SLC25A13: variants seen among roughly 807,000 people sequenced by gnomAD.
SLC25A13 encodes the protein solute carrier family 25 member 13, also known as electrogenic aspartate/glutamate antiporter SLC25A13, mitochondrial.
SLC25A13 carries 70 observed loss-of-function variants against 85.5 expected under a neutral mutation model. The ratio of observed to expected loss-of-function variants is 0.82; its 90% CI spans 0.68 to 1.00. The LOEUF is 1.00. SLC25A13 is among the 50% of genes least tolerant of loss of function. The pLI, the probability that SLC25A13 is intolerant of heterozygous loss-of-function variation, is 0.00. For missense variants in SLC25A13, 765 were observed against 819.8 expected (o/e 0.93, Z 0.82); for synonymous variants, 259 against 288.7 (o/e 0.90, Z 1.04).
chr7:96,183,409 C>T (rs1794495697), intron 11 of SLC25A13, among the ~76,000 whole-genome samples: 1 of 152,124 alleles, frequency 6.6e-6, no homozygotes, highest in South Asian at 2.1e-4. Flanking sequence ...CAGCAGAGTA[C>T]TAAATACTGT....
intron 3 of SLC25A13, among the ~76,000 whole-genome samples, chr7:96,264,714 CTT>C (rs568713486): frequency 2.7e-5 from 4 of 145,562 alleles, no homozygotes; most frequent in African/African-American, 5.0e-5. Context: ...AGAACTATAC[CTT>C]TTTTTTTTTA....
chr7:96,191,265 CAAG>C lies in SLC25A13; in HGVS notation c.616-21_616-19del, dbSNP rs1794837596. On this transcript the variant is annotated intron_variant, in intron 6 of 17. Coordinates refer to ENST00000265631, the MANE Select transcript of SLC25A13 (RefSeq NM_014251.3). ...CCAGCAGCCTCAAATAAATTGAAAA[CAAG>C]AGAGAAGAAAAATATACAAAAGATT... 4 of 1,612,842 alleles carry C rather than the reference CAAG, an allele frequency of 2.5e-6. No homozygotes were observed. The East Asian group carries it at 8.9e-5, about 36-fold the overall frequency.
chr7:96,177,824 C>T (rs954693429), intron 11 of SLC25A13, among the ~76,000 whole-genome samples: 1 of 152,180 alleles, frequency 6.6e-6, no homozygotes, highest in Admixed American at 6.5e-5. Context: ...TAGTAGCACT[C>T]AAAGTTGAAT....
Position 96,208,892 on chromosome 7 carries a change from A to C in SLC25A13, c.414T>G (p.Phe138Leu). The change falls in exon 5 of 18, where the codon TTT (phenylalanine) becomes TTG (leucine). Residue 138 changes from phenylalanine (F) to leucine (L), a missense_variant. Physicochemically the swap from Phe to Leu is conservative, Grantham distance 22. Transcript: ENST00000265631. The stretch of plus-strand genomic sequence containing the variant: ...TCAGGTGTCTTTTTCTTTCTTTTCC[A>C]AAATGTAGTTGCACAAATTCTGAAT... ...NWDSEFVQLH[F>L]GKERKRHLTY... The C allele has an allele frequency of 6.2e-7, 1 of 1,614,098 alleles. No homozygotes were observed. Among genetic ancestry groups the C allele is most frequent in the Non-Finnish European group, 8.5e-7 (1 of 1,180,010 alleles).
intron 3 of SLC25A13, among the ~76,000 whole-genome samples, chr7:96,241,794 G>A (rs922765367): frequency 1.3e-5 from 2 of 152,262 alleles, no homozygotes; most frequent in South Asian, 4.1e-4. Context: ...GACTATATAA[G>A]AGATTTGGGG....
At chr7:96,294,512 G>C (rs1017805504) in intron 2 of SLC25A13, among the ~76,000 whole-genome samples, 2 of 151,858 alleles carry the variant, frequency 1.3e-5, no homozygotes, top group Admixed American at 1.3e-4. Flanking sequence ...GGGAGGCTGA[G>C]GCATGAGAAT....
intron 2 of SLC25A13, among the ~76,000 whole-genome samples, chr7:96,284,648 C>T (rs1343895113): frequency 3.3e-5 from 5 of 152,160 alleles, no homozygotes; most frequent in Admixed American, 1.3e-4. Context: ...GTGTCCAGGG[C>T]GGGGCCAGGT....
intron 5 of SLC25A13, among the ~76,000 whole-genome samples, chr7:96,194,319 G>C (rs956078605): frequency 6.7e-6 from 1 of 150,266 alleles, no homozygotes; most frequent in African/African-American, 2.4e-5. Flanking sequence ...GTGCATGCCT[G>C]TAGTCCCAGC....
chr7:96,141,076 G>C (rs1356422726), intron 14 of SLC25A13, among the ~76,000 whole-genome samples: 2 of 144,456 alleles, frequency 1.4e-5, no homozygotes, highest in Non-Finnish European at 3.0e-5. Flanking sequence ...GCTAGAGTGT[G>C]GTGGTGCAAT....
chr7:96,250,487 T>C (rs1305198408), intron 3 of SLC25A13, among the ~76,000 whole-genome samples: 2 of 152,230 alleles, frequency 1.3e-5, no homozygotes, highest in Admixed American at 1.3e-4. Flanking sequence ...ACATGCCGAA[T>C]GGTTGGAATC....
intron 13 of SLC25A13, 50 bp from the exon 14 acceptor site, chr7:96,146,746 G>A: frequency 1.3e-6 from 2 of 1,594,756 alleles, no homozygotes; most frequent in Non-Finnish European, 1.7e-6. Context: ...ATGGTAAGGT[G>A]GGTCAGGAAG....
intron 3 of SLC25A13, among the ~76,000 whole-genome samples, chr7:96,268,948 T>C (rs546968433): frequency 1.8e-4 from 27 of 152,306 alleles, no homozygotes; most frequent in African/African-American, 6.5e-4. Context: ...ATGGAAAGTC[T>C]TCCCAATTTC....
chr7:96,304,728 T>C (rs1799677499), intron 1 of SLC25A13, among the ~76,000 whole-genome samples: 2 of 152,292 alleles, frequency 1.3e-5, no homozygotes, highest in South Asian at 2.1e-4. Flanking sequence ...TAGATGGTGA[T>C]GCTCTACTTG....
At chr7:96,130,663 T>G (rs1791986960) in intron 15 of SLC25A13, among the ~76,000 whole-genome samples, 2 of 152,340 alleles carry the variant, frequency 1.3e-5, no homozygotes, top group African/African-American at 4.8e-5. Context: ...TAGGCCACCA[T>G]GAGTCAAGCT....
chr7:96,152,953 A>G (rs1793107626), intron 13 of SLC25A13, among the ~76,000 whole-genome samples: 1 of 152,338 alleles, frequency 6.6e-6, no homozygotes, highest in African/African-American at 2.4e-5. Flanking sequence ...GGAAAGTGAG[A>G]AAATGACAGT....
chr7:96,262,103 A>C (rs1487548424), intron 3 of SLC25A13, among the ~76,000 whole-genome samples: 1 of 152,238 alleles, frequency 6.6e-6, no homozygotes, highest in African/African-American at 2.4e-5. Flanking sequence ...CTCATAGCTC[A>C]GTACAAGACT....
intron 13 of SLC25A13, among the ~76,000 whole-genome samples, chr7:96,160,030 T>C (rs1310670439): frequency 6.6e-6 from 1 of 152,202 alleles, no homozygotes; most frequent in African/African-American, 2.4e-5. Flanking sequence ...ATGTTAACAT[T>C]TGGGGTCTGC....
intron 3 of SLC25A13, among the ~76,000 whole-genome samples, chr7:96,243,447 C>T (rs957936885): frequency 6.6e-6 from 1 of 152,094 alleles, no homozygotes; most frequent in African/African-American, 2.4e-5. Context: ...ATTAGACAAC[C>T]ACTGCATAGG....
At chr7:96,269,793 TC>T (rs1411565658) in intron 3 of SLC25A13, among the ~76,000 whole-genome samples, 1 of 152,162 alleles carries the variant, frequency 6.6e-6, no homozygotes, top group East Asian at 1.9e-4. Flanking sequence ...AAAAAGGCAA[TC>T]CTCTCACTTG....
Sources: allele counts gnomAD v4.1 joint callset (sites outside exome capture counted in the v4.1 genomes callset), GRCh38; gene constraint gnomAD v4.1.1; transcripts MANE v1.5; gene names NCBI Gene and HGNC (gene_info 2026-07-23, HGNC 2026-07-21).